The following CEP112 variants were observed in gnomAD, a reference collection of about 807,000 sequenced individuals.
CEP112 encodes the protein centrosomal protein 112.
Under a neutral mutation model 153.0 loss-of-function variants are expected in CEP112, and 127 were observed. That is an observed-to-expected ratio of 0.83 (90% CI 0.72 to 0.96). The LOEUF (loss-of-function observed/expected upper bound fraction) is 0.96. CEP112 is among the 40% of genes least tolerant of loss of function. The probability of loss-of-function intolerance (pLI) is 0.00; values close to 1 mark genes in which losing one functional copy is unlikely to be tolerated. For missense variants in CEP112, 1,089 were observed against 1,101.2 expected, an observed-to-expected ratio of 0.99 and a Z score of 0.16; for synonymous variants, 358 against 374.4, an observed-to-expected ratio of 0.96 and a Z score of 0.51.
intron 20 of CEP112, among the ~76,000 whole-genome samples, chr17:65,855,484 G>A (rs549831978): frequency 2.6e-5 from 4 of 152,310 alleles, no homozygotes; most frequent in African/African-American, 9.6e-5. Flanking sequence ...TTCCCGACCA[G>A]CAGGTTTTCC....
In CEP112 at chr17:65,851,832, G is replaced by A. The variant is rs539816538; in HGVS notation, c.2366C>T (p.Ala789Val). The A allele has an allele frequency of 9.3e-6, 15 of 1,613,676 alleles. No individual in the cohort carries two copies. In the South Asian group the frequency reaches 1.2e-4, roughly 13 times the overall value. Residue 789 changes from alanine (A) to valine (V), a missense_variant, in exon 21 of 27, where the codon GCT becomes GTT. By Grantham distance (64) the Ala-to-Val change is moderately conservative. Coordinates refer to ENST00000535342, the MANE Select transcript of CEP112 (RefSeq NM_001199165.4). ...KMKIELKKTH[A>V]AETEMTLEKA... is the part of the protein sequence containing the mutation. ...TTCCAGTGTCATCTCTGTCTCAGCA[G>A]CATGAGTCTTTTTCAGCTCTATTTT...
At chr17:66,149,025 T>G (rs2071046679) in intron 4 of CEP112, among the ~76,000 whole-genome samples, 1 of 152,172 alleles carries the variant, frequency 6.6e-6, no homozygotes, top group Admixed American at 6.5e-5. Context: ...TTAAGTTTCT[T>G]CTTATCAAAA....
chr17:65,839,925 G>A (rs947171486), intron 21 of CEP112, among the ~76,000 whole-genome samples: 8 of 151,570 alleles, frequency 5.3e-5, no homozygotes, highest in Non-Finnish European at 1.2e-4. Flanking sequence ...ATTTACAGCA[G>A]CGATAAAAAA....
chr17:65,860,197 C>T (rs1218817330), intron 20 of CEP112, among the ~76,000 whole-genome samples: 1 of 151,062 alleles, frequency 6.6e-6, no homozygotes. Flanking sequence ...TAAACATTTA[C>T]AGCTATGACA....
chr17:66,153,095 T>C (rs1259199495), intron 4 of CEP112, among the ~76,000 whole-genome samples: 2 of 152,116 alleles, frequency 1.3e-5, no homozygotes, highest in Non-Finnish European at 1.5e-5. Flanking sequence ...ATATTGGTAA[T>C]GGGGATACAA....
intron 8 of CEP112, among the ~76,000 whole-genome samples, chr17:66,094,403 G>A (rs1199430854): frequency 6.6e-6 from 1 of 152,132 alleles, no homozygotes; most frequent in East Asian, 1.9e-4. Context: ...ACACAATGGG[G>A]AAAGACAGTG....
At chr17:66,064,416 G>A (rs935633747) in intron 10 of CEP112, among the ~76,000 whole-genome samples, 2 of 152,104 alleles carry the variant, frequency 1.3e-5, no homozygotes, top group African/African-American at 4.8e-5. Context: ...TATTTAAACA[G>A]TCACTGATTT....
At chr17:65,900,494 T>C (rs2059806127) in intron 20 of CEP112, among the ~76,000 whole-genome samples, 1 of 152,250 alleles carries the variant, frequency 6.6e-6, no homozygotes, top group Middle Eastern at 3.4e-3. Flanking sequence ...CCGCACCCTA[T>C]ATGGCAGACA....
At chr17:65,875,594 T>G (rs1568152679) in intron 20 of CEP112, among the ~76,000 whole-genome samples, 1 of 152,180 alleles carries the variant, frequency 6.6e-6, no homozygotes, top group Non-Finnish European at 1.5e-5. Context: ...CAAAATACAG[T>G]TGTGTCACAA....
intron 21 of CEP112, among the ~76,000 whole-genome samples, chr17:65,775,964 G>A (rs1429482545): frequency 6.6e-6 from 1 of 152,196 alleles, no homozygotes; most frequent in African/African-American, 2.4e-5. Flanking sequence ...ACTGGCTTTG[G>A]TGAACACACT....
chr17:66,018,667 G>A (rs773842511), intron 16 of CEP112, among the ~76,000 whole-genome samples: 3 of 152,046 alleles, frequency 2.0e-5, no homozygotes, highest in African/African-American at 4.8e-5. Context: ...TTAAATATAC[G>A]GCTGTGACTA....
rs867818833 is a variant in CEP112, at chr17:65,927,610, T to C, written c.1952A>G (p.Glu651Gly). The C allele has an allele frequency of 2.5e-6, 4 of 1,602,038 alleles. No homozygotes were observed. The highest frequency in any genetic ancestry group is 3.5e-5 in the Admixed American group (2 of 57,310). ...KQSKEFLWQL[E>G]DIRQRYEQQI... Reference sequence around the variant, plus strand: ...TTGTTCATACCGCTGTCTGATGTCCTCCAGTTGCCATAAAAACTCCTTTGA... The same window carrying C: ...TTGTTCATACCGCTGTCTGATGTCCCCCAGTTGCCATAAAAACTCCTTTGA... Residue 651 changes from glutamate (E) to glycine (G), a missense_variant, in exon 19 of 27, where the codon GAG (glutamate) becomes GGG (glycine). Coordinates refer to ENST00000535342, the MANE Select transcript of CEP112 (RefSeq NM_001199165.4).
chr17:66,133,242 C>A (rs2070281543), intron 4 of CEP112, among the ~76,000 whole-genome samples: 1 of 152,068 alleles, frequency 6.6e-6, no homozygotes, highest in Non-Finnish European at 1.5e-5. Flanking sequence ...TAAATCTTTT[C>A]TCCTCCTTTC....
intron 24 of CEP112, among the ~76,000 whole-genome samples, chr17:65,684,993 TAGAGA>T (rs1328647433): frequency 6.6e-6 from 1 of 152,254 alleles, no homozygotes; most frequent in Non-Finnish European, 1.5e-5. Flanking sequence ...GTTTATTGAT[TAGAGA>T]AAACATCACG....
intron 8 of CEP112, among the ~76,000 whole-genome samples, chr17:66,075,837 G>A (rs1056726010): frequency 6.6e-6 from 1 of 152,174 alleles, no homozygotes. Flanking sequence ...TGAAGGAAGA[G>A]GACTGCTCCT....
At chr17:65,991,536 C>T (rs962064049) in intron 17 of CEP112, among the ~76,000 whole-genome samples, 1 of 151,998 alleles carries the variant, frequency 6.6e-6, no homozygotes, top group Non-Finnish European at 1.5e-5. Context: ...TTATAGGTTA[C>T]TTTTATATTC....
intron 21 of CEP112, among the ~76,000 whole-genome samples, chr17:65,849,224 T>C (rs768335655): frequency 9.9e-5 from 15 of 152,212 alleles, no homozygotes; most frequent in Non-Finnish European, 2.2e-4. Context: ...CCAACATATC[T>C]ACTAATTAAA....
intron 17 of CEP112, among the ~76,000 whole-genome samples, chr17:65,970,843 CAT>C (rs894066395): frequency 4.6e-4 from 22 of 47,944 alleles, no homozygotes; most frequent in African/African-American, 9.0e-4. Flanking sequence ...ACATTACATG[CAT>C]ATGTCATGTA....
chr17:65,879,992 TGGAAA>T (rs2059002572), intron 20 of CEP112, among the ~76,000 whole-genome samples: 1 of 152,092 alleles, frequency 6.6e-6, no homozygotes, highest in South Asian at 2.1e-4. Flanking sequence ...TTTCCAGACA[TGGAAA>T]GGAACCTGTA....
Sources: gnomAD v4.1 joint callset for allele counts (sites outside exome capture counted in the v4.1 genomes callset) on GRCh38, gnomAD v4.1.1 for gene constraint, MANE v1.5 for transcripts, NCBI Gene and HGNC (gene_info 2026-07-23, HGNC 2026-07-21) for gene names.